The following ATP6V1H variants were observed in gnomAD, a reference collection of about 807,000 sequenced individuals.
The protein encoded by ATP6V1H is ATPase H+ transporting V1 subunit H.
In ATP6V1H, 39 loss-of-function variants were observed where a neutral mutation model predicts 71.7. That is an observed-to-expected ratio of 0.54 (90% CI 0.42 to 0.71). The LOEUF (loss-of-function observed/expected upper bound fraction) is 0.71, where lower values mean the gene tolerates loss of function less well. Among genes scored for constraint, ATP6V1H ranks in the 30% least tolerant of loss-of-function variants. The pLI, the probability that ATP6V1H is intolerant of heterozygous loss-of-function variation, is 0.00. For synonymous variants in ATP6V1H, 192 were observed against 199.3 expected, an observed-to-expected ratio of 0.96 and a Z score of 0.31; for missense variants, 509 against 594.9, an observed-to-expected ratio of 0.86 and a Z score of 1.50.
intron 7 of ATP6V1H, among the ~76,000 whole-genome samples, chr8:53,804,387 T>G (rs1810011335): frequency 6.6e-6 from 1 of 152,174 alleles, no homozygotes; most frequent in African/African-American, 2.4e-5. Flanking sequence ...ATGAAAATAC[T>G]GAGTTGGCCA....
chr8:53,769,917 A>C (rs530344276), intron 10 of ATP6V1H, among the ~76,000 whole-genome samples, 174 bp from the exon 11 acceptor site: 1 of 152,266 alleles, frequency 6.6e-6, no homozygotes. Context: ...TTAATAAATC[A>C]TGTGAAATTT....
chr8:53,779,520 TCA>T (rs1809019613), intron 9 of ATP6V1H, among the ~76,000 whole-genome samples: 1 of 150,452 alleles, frequency 6.6e-6, no homozygotes, highest in East Asian at 1.9e-4. Flanking sequence ...ATACTAGATA[TCA>T]CAGATTATTT....
At chr8:53,838,942 C>G (rs1811260020) in intron 2 of ATP6V1H, among the ~76,000 whole-genome samples, 1 of 152,154 alleles carries the variant, frequency 6.6e-6, no homozygotes. Context: ...ATATGAGACA[C>G]ATTTCACACC....
intron 13 of ATP6V1H, among the ~76,000 whole-genome samples, chr8:53,736,184 T>C (rs186979298): frequency 4.6e-5 from 7 of 152,200 alleles, no homozygotes; most frequent in Non-Finnish European, 1.0e-4. Flanking sequence ...CACTTATATA[T>C]AAGTGTCCCC....
intron 13 of ATP6V1H, among the ~76,000 whole-genome samples, chr8:53,718,384 ATTTTTTTTTTT>A (rs35145366): frequency 8.2e-6 from 1 of 121,806 alleles, no homozygotes; most frequent in East Asian, 2.4e-4. Context: ...CTCCTACACA[ATTTTTTTTTTT>A]TTTTTTTTTT....
chr8:53,768,816 T>C (rs1183961506), intron 11 of ATP6V1H, among the ~76,000 whole-genome samples: 4 of 152,198 alleles, frequency 2.6e-5, no homozygotes, highest in South Asian at 2.1e-4. Context: ...GGGTTTCTTT[T>C]TGAAGCAATG....
chr8:53,783,241 A>G (rs1387659986), intron 9 of ATP6V1H, among the ~76,000 whole-genome samples: 7 of 152,066 alleles, frequency 4.6e-5, no homozygotes, highest in Admixed American at 3.9e-4. Flanking sequence ...GTCTATTCAG[A>G]GATTCAACTT....
intron 7 of ATP6V1H, among the ~76,000 whole-genome samples, chr8:53,810,043 C>T (rs1392752308): frequency 1.3e-5 from 2 of 152,192 alleles, no homozygotes; most frequent in East Asian, 1.9e-4. Context: ...TTGGAACATA[C>T]ATACCCGTGA....
chr8:53,826,495 T>C (rs1795431845), intron 4 of ATP6V1H, among the ~76,000 whole-genome samples: 2 of 152,166 alleles, frequency 1.3e-5, no homozygotes, highest in African/African-American at 4.8e-5. Context: ...GAGATCTCTA[T>C]GAACTGACAC....
chr8:53,820,981 C>CA (rs749738155), intron 4 of ATP6V1H, among the ~76,000 whole-genome samples: 3,422 of 54,144 alleles, frequency 0.063, 53 homozygotes, highest in Middle Eastern at 0.12. Flanking sequence ...AACTCTGTCT[C>CA]AAAAAAAAAA....
intron 9 of ATP6V1H, among the ~76,000 whole-genome samples, chr8:53,794,667 C>G (rs995607777): frequency 6.6e-6 from 1 of 152,120 alleles, no homozygotes; most frequent in African/African-American, 2.4e-5. Flanking sequence ...CACCCAGCCC[C>G]ACTTTTTATT....
intron 8 of ATP6V1H, among the ~76,000 whole-genome samples, chr8:53,800,048 T>C (rs1191573490): frequency 2.0e-5 from 3 of 152,212 alleles, no homozygotes; most frequent in African/African-American, 7.2e-5. Flanking sequence ...ACAGTGTGTC[T>C]ACATAACTAA....
intron 13 of ATP6V1H, among the ~76,000 whole-genome samples, chr8:53,738,128 T>C (rs1807290338): frequency 2.0e-5 from 3 of 152,110 alleles, no homozygotes; most frequent in Non-Finnish European, 2.9e-5. Context: ...ATGTTTCATC[T>C]CTACTAAAAA....
intron 13 of ATP6V1H, among the ~76,000 whole-genome samples, chr8:53,721,969 T>C (rs2130084149): frequency 6.6e-6 from 1 of 152,334 alleles, no homozygotes; most frequent in East Asian, 1.9e-4. Flanking sequence ...ATAGGAGTTG[T>C]AGTCCTAAGA....
chr8:53,756,037 G>A (rs756239966), intron 12 of ATP6V1H, among the ~76,000 whole-genome samples: 4 of 142,162 alleles, frequency 2.8e-5, no homozygotes, highest in Non-Finnish European at 4.6e-5. Context: ...GATTACAGGC[G>A]TGATATATTT....
intron 4 of ATP6V1H, among the ~76,000 whole-genome samples, chr8:53,823,047 T>C (rs1240906058): frequency 1.3e-5 from 2 of 151,952 alleles, no homozygotes; most frequent in East Asian, 3.9e-4. Context: ...ACGTTTAACA[T>C]ACCACTCTTA....
intron 12 of ATP6V1H, among the ~76,000 whole-genome samples, chr8:53,755,722 ATATATATATATATATAT>A (rs1808017064): frequency 1.7e-4 from 1 of 5,774 alleles, no homozygotes; most frequent in African/African-American, 1.1e-3. Flanking sequence ...ATATATATAT[ATATATATATATATATAT>A]ATATATTTTT....
rs756234687 is a variant in ATP6V1H, at chr8:53,817,522, A to C, written c.315T>G (p.His105Gln). Residue 105 changes from histidine to glutamine, a missense_variant, in exon 5 of 14, where the codon CAT (histidine) becomes CAG (glutamine). Physicochemically the swap from His to Gln is conservative, Grantham distance 24. Transcript: ENST00000359530. ...TMVDDMLQEN[H>Q]QRVSIFFDYA... Reference sequence around the variant, plus strand: ...AGTCAAAGAAAATGCTAACACGCTGATGATTTTCCTAAAAAAGAAAAGAAA... The same window carrying C: ...AGTCAAAGAAAATGCTAACACGCTGCTGATTTTCCTAAAAAAGAAAAGAAA... 6.2e-7 allele frequency: 1 copy of C among 1,606,294 alleles called. No homozygotes were observed. The highest frequency in any genetic ancestry group is 1.7e-5 in the Admixed American group (1 of 59,406).
At chr8:53,765,425 C>T (rs1382615614) in intron 11 of ATP6V1H, among the ~76,000 whole-genome samples, 8 of 91,044 alleles carry the variant, frequency 8.8e-5, no homozygotes, top group African/African-American at 1.8e-4. Flanking sequence ...AAGGGCAGGG[C>T]GGGGAGGGTG....
Sources: gnomAD v4.1 joint callset for allele counts (sites outside exome capture counted in the v4.1 genomes callset) on GRCh38, gnomAD v4.1.1 for gene constraint, MANE v1.5 for transcripts, NCBI Gene and HGNC (gene_info 2026-07-23, HGNC 2026-07-21) for gene names.